The following DAB1 variants were observed in gnomAD, a reference collection of about 807,000 sequenced individuals.
The protein encoded by DAB1 is DAB adaptor protein 1, also known as disabled homolog 1.
DAB1 carries 15 observed loss-of-function variants against 64.6 expected under a neutral mutation model. The observed-to-expected ratio is 0.23, with a 90% CI of 0.16 to 0.36. The LOEUF (loss-of-function observed/expected upper bound fraction) is 0.36. Ranked by LOEUF, DAB1 falls within the 10% of genes least tolerant of loss-of-function variation. The probability of loss-of-function intolerance (pLI) is 1.00; values close to 1 mark genes in which losing one functional copy is unlikely to be tolerated. For synonymous variants in DAB1, 235 were observed against 251.9 expected (o/e 0.93, Z 0.64); for missense variants, 596 against 706.7 (o/e 0.84, Z 1.78).
intron 5 of DAB1, among the ~76,000 whole-genome samples, chr1:58,053,195 C>T (rs985819257): frequency 6.6e-6 from 1 of 152,170 alleles, no homozygotes; most frequent in Non-Finnish European, 1.5e-5. Context: ...TATAACAAAA[C>T]CCCACTCTTG....
At chr1:57,418,237 C>T (rs1399518429) in intron 1 of DAB1, among the ~76,000 whole-genome samples, 1 of 152,200 alleles carries the variant, frequency 6.6e-6, no homozygotes, top group Non-Finnish European at 1.5e-5. Context: ...TTCCCAGATT[C>T]TCTCAATGCA....
At chr1:57,158,852 C>G (rs1660480579) in intron 2 of DAB1, among the ~76,000 whole-genome samples, 1 of 152,170 alleles carries the variant, frequency 6.6e-6, no homozygotes, top group Non-Finnish European at 1.5e-5. Context: ...AATATTCAAC[C>G]TATGACTCAT....
intron 7 of DAB1, among the ~76,000 whole-genome samples, chr1:57,603,177 T>G (rs1645596013): frequency 6.6e-6 from 1 of 152,130 alleles, no homozygotes; most frequent in South Asian, 2.1e-4. Flanking sequence ...TTCTCCATGT[T>G]GGTCAGGCTG....
intron 14 of DAB1, among the ~76,000 whole-genome samples, chr1:57,002,424 G>A (rs1340035149): frequency 2.0e-5 from 3 of 152,158 alleles, no homozygotes; most frequent in Non-Finnish European, 4.4e-5. Context: ...TTGGGCTTAA[G>A]GTAAGTAATT....
intron 4 of DAB1, among the ~76,000 whole-genome samples, chr1:58,189,332 G>A (rs1657259386): frequency 6.6e-6 from 1 of 152,012 alleles, no homozygotes; most frequent in South Asian, 2.1e-4. Flanking sequence ...TTTTCCATAA[G>A]GTTTATTTAA....
At chr1:57,086,227 T>A (rs552335207) in intron 4 of DAB1, among the ~76,000 whole-genome samples, 92 of 152,256 alleles carry the variant, frequency 6.0e-4, no homozygotes, top group African/African-American at 2.2e-3. Flanking sequence ...AATAGAGTCC[T>A]TCTTCAGGTT....
At chr1:57,422,163 A>C (rs1684964884) in intron 1 of DAB1, among the ~76,000 whole-genome samples, 1 of 152,234 alleles carries the variant, frequency 6.6e-6, no homozygotes, top group Non-Finnish European at 1.5e-5. Context: ...TTTAATTGAT[A>C]TGATTACTTG....
chr1:57,872,871 T>C (rs544792636), intron 1 of DAB1, among the ~76,000 whole-genome samples: 24 of 152,234 alleles, frequency 1.6e-4, no homozygotes, highest in African/African-American at 5.5e-4. Flanking sequence ...AAAGGGAACT[T>C]GAAGTACAGA....
At chr1:57,315,272 A>G (rs1558149708) in intron 1 of DAB1, among the ~76,000 whole-genome samples, 1 of 152,144 alleles carries the variant, frequency 6.6e-6, no homozygotes, top group Non-Finnish European at 1.5e-5. Context: ...ATTATATATT[A>G]CTTATTCCAT....
At chr1:57,905,242 A>G (rs1294626768) in intron 5 of DAB1, among the ~76,000 whole-genome samples, 1 of 151,826 alleles carries the variant, frequency 6.6e-6, no homozygotes, top group Non-Finnish European at 1.5e-5. Flanking sequence ...CTGCTCTGCT[A>G]CAGAATAAAG....
At chr1:57,117,927 A>G (rs1289662497) in intron 4 of DAB1, among the ~76,000 whole-genome samples, 2 of 152,138 alleles carry the variant, frequency 1.3e-5, no homozygotes, top group African/African-American at 4.8e-5. Flanking sequence ...CCTCAACACA[A>G]CACTCTGTGA....
chr1:57,187,398 G>A lies in DAB1; in HGVS notation c.68-41969C>T, dbSNP rs188144231. On this transcript the variant is annotated intron_variant, in intron 2 of 14. Coordinates refer to ENST00000371236, the MANE Select transcript of DAB1 (RefSeq NM_001365792.1). ...ATGTAACAAGGTACAGTATAAAAAAGCACAGTATCTTACTATAAAGTACCA... is the reference window on the plus strand; with the variant it reads ...ATGTAACAAGGTACAGTATAAAAAAACACAGTATCTTACTATAAAGTACCA... Among the ~76,000 whole-genome samples the A allele has an allele frequency of 5.4e-3, 826 of 152,250 alleles. 6 individuals are homozygous for A. The highest frequency in any genetic ancestry group is 0.019 in the African/African-American group (785 of 41,550).
At chr1:58,534,241 T>C (rs536806050) in intron 1 of DAB1, 1 of 872,018 alleles carries the variant, frequency 1.1e-6, no homozygotes, top group Admixed American at 1.7e-5. Context: ...ACATCTTTAT[T>C]GCATTCAATT....
downstream of DAB1, among the ~76,000 whole-genome samples, chr1:57,825,732 T>C (rs1652321581): frequency 6.6e-6 from 1 of 152,206 alleles, no homozygotes; most frequent in Admixed American, 6.5e-5. Context: ...ATAAATTTTC[T>C]TATTAGGCAT....
chr1:57,929,908 G>T (rs528146125), intron 5 of DAB1, among the ~76,000 whole-genome samples: 2 of 152,092 alleles, frequency 1.3e-5, no homozygotes, highest in Non-Finnish European at 2.9e-5. Flanking sequence ...CCACCCCCAG[G>T]ACCCAACCAC....
Position 58,109,940 on chromosome 1 carries a change from A to C in DAB1, n.387+40571T>G, listed in dbSNP as rs1021634575. Among the ~76,000 whole-genome samples, 6 of 152,294 alleles carry C rather than the reference A, an allele frequency of 3.9e-5. No individual in the cohort carries two copies. The South Asian group carries it at 1.2e-3, about 32-fold the overall frequency. On this transcript the variant is annotated intron_variant and non_coding_transcript_variant, in intron 5 of 20. Transcript: ENST00000485760. ...CTTCTCTCCTACACTGTGATATGTG[A>C]TATGAATAGATGCTCATATGTTCTT...
chr1:58,261,772 G>T (rs1019702288), intron 4 of DAB1, among the ~76,000 whole-genome samples: 3 of 152,040 alleles, frequency 2.0e-5, no homozygotes, highest in Non-Finnish European at 4.4e-5. Context: ...GCCCAGGCTG[G>T]TCTTGAACTC....
At chr1:57,443,771 C>T (rs902456822) in intron 7 of DAB1, among the ~76,000 whole-genome samples, 1 of 152,186 alleles carries the variant, frequency 6.6e-6, no homozygotes, top group African/African-American at 2.4e-5. Context: ...CAAAGCAGTT[C>T]ACCTCCATCA....
intron 2 of DAB1, among the ~76,000 whole-genome samples, chr1:57,168,268 A>G (rs1019505800): frequency 6.6e-6 from 1 of 152,202 alleles, no homozygotes; most frequent in African/African-American, 2.4e-5. Context: ...CTTCTGATCA[A>G]TTTTTAAAAA....
Sources: allele counts gnomAD v4.1 joint callset (sites outside exome capture counted in the v4.1 genomes callset), GRCh38; gene constraint gnomAD v4.1.1; transcripts MANE v1.5; gene names NCBI Gene and HGNC (gene_info 2026-07-23, HGNC 2026-07-21).